XRN1: variants seen among roughly 807,000 people sequenced by gnomAD.
The protein encoded by XRN1 is strand-exchange protein 1 homolog.
Under a neutral mutation model 222.3 loss-of-function variants are expected in XRN1, and 67 were observed. The observed-to-expected ratio is 0.30, with a 90% CI of 0.25 to 0.37. The LOEUF (loss-of-function observed/expected upper bound fraction) is 0.37, where lower values mean the gene tolerates loss of function less well. Among genes scored for constraint, XRN1 ranks in the 10% least tolerant of loss-of-function variants. XRN1 has a pLI of 1.00. For missense variants in XRN1, 1,707 were observed against 2,000.2 expected (o/e 0.85, Z 2.80); for synonymous variants, 643 against 652.4 (o/e 0.99, Z 0.22).
chr3:142,337,391 A>AT (rs1239930933), intron 33 of XRN1, among the ~76,000 whole-genome samples: 23 of 152,164 alleles, frequency 1.5e-4, no homozygotes, highest in African/African-American at 5.6e-4. Flanking sequence ...ACTCCATTAT[A>AT]CTCTAGGAGG....
chr3:142,425,858 G>A (rs2069224963), intron 3 of XRN1, among the ~76,000 whole-genome samples: 1 of 151,600 alleles, frequency 6.6e-6, no homozygotes, highest in Non-Finnish European at 1.5e-5. Flanking sequence ...GATCTCTAAT[G>A]AACCTCAACC....
At chr3:142,337,027 T>C (rs2065869027) in intron 33 of XRN1, among the ~76,000 whole-genome samples, 1 of 152,102 alleles carries the variant, frequency 6.6e-6, no homozygotes, top group African/African-American at 2.4e-5. Flanking sequence ...GAAAATAGCT[T>C]TTTAGAAAAA....
At chr3:142,351,383 G>A (rs2066301016) in intron 32 of XRN1, among the ~76,000 whole-genome samples, 2 of 152,154 alleles carry the variant, frequency 1.3e-5, no homozygotes, top group South Asian at 4.1e-4. Flanking sequence ...TGTATGAAAT[G>A]CTGCTGATGG....
chr3:142,318,119 TAAATA>T (rs902682975), intron 39 of XRN1, among the ~76,000 whole-genome samples: 1 of 152,142 alleles, frequency 6.6e-6, no homozygotes, highest in African/African-American at 2.4e-5. Flanking sequence ...TTTCTAAACT[TAAATA>T]AATTATTGGC....
intron 2 of XRN1, among the ~76,000 whole-genome samples, chr3:142,428,322 G>A (rs1253723088): frequency 1.3e-5 from 2 of 151,170 alleles, no homozygotes; most frequent in African/African-American, 4.9e-5. Flanking sequence ...TTGAACCCAG[G>A]GGGCAGAGGC....
Position 142,439,403 on chromosome 3 carries a change from C to T in XRN1, c.76-6510G>A, listed in dbSNP as rs561930219. Among the ~76,000 whole-genome samples the T allele has an allele frequency of 9.9e-5, 15 of 152,256 alleles. No homozygotes were observed. In the East Asian group the frequency reaches 2.5e-3, roughly 25 times the overall value. ...AGAATCAGAACATGGAGATTGGTGC[C>T]GCAGACATCTGCTAACTTGCGTGCT... On this transcript the variant is annotated intron_variant, in intron 1 of 40. Transcript: ENST00000392981.
intron 22 of XRN1, among the ~76,000 whole-genome samples, chr3:142,380,863 G>A (rs2067280566): frequency 6.6e-6 from 1 of 152,030 alleles, no homozygotes; most frequent in Non-Finnish European, 1.5e-5. Flanking sequence ...GCCCAGGCTG[G>A]TCTCAAACTC....
At chr3:142,440,474 T>A (rs2070151857) in intron 1 of XRN1, among the ~76,000 whole-genome samples, 1 of 151,846 alleles carries the variant, frequency 6.6e-6, no homozygotes, top group Non-Finnish European at 1.5e-5. Context: ...AGAATGCCCA[T>A]CCTGGTCAAG....
At chr3:142,324,856 G>A (rs1351308437) in intron 37 of XRN1, among the ~76,000 whole-genome samples, 4 of 152,090 alleles carry the variant, frequency 2.6e-5, no homozygotes, top group African/African-American at 9.7e-5. Context: ...GTGATGATGA[G>A]CATTTTTTCA....
At chr3:142,371,878 T>C (rs911393229) in intron 25 of XRN1, among the ~76,000 whole-genome samples, 1 of 152,162 alleles carries the variant, frequency 6.6e-6, no homozygotes, top group East Asian at 1.9e-4. Context: ...GCACGGTATC[T>C]GGTGGCATAT....
intron 20 of XRN1, among the ~76,000 whole-genome samples, chr3:142,391,743 A>T (rs1213913135): frequency 7.8e-5 from 6 of 77,356 alleles, no homozygotes; most frequent in South Asian, 5.9e-4. Flanking sequence ...CACTAAAAAA[A>T]AAAAAAATAT....
chr3:142,418,823 G>A lies in XRN1; in HGVS notation c.1232C>T (p.Thr411Ile). 3 of 1,613,838 alleles carry A rather than the reference G, an allele frequency of 1.9e-6. No individual in the cohort carries two copies. Among genetic ancestry groups the A allele is most frequent in the Non-Finnish European group, 2.5e-6 (3 of 1,179,858 alleles). ...ACATACTTCATACTTACCCTTAGAA[G>A]TTATCATTTCGCCTTCATTTTTGTC... ...ALDKNEGEMITSKDNLEDETE... is the reference protein window; with the variant it reads ...ALDKNEGEMIISKDNLEDETE... The change falls in exon 11 of 41, where the codon ACT (threonine) becomes ATT (isoleucine). Residue 411 changes from threonine to isoleucine, a missense_variant. By Grantham distance (89) the Thr-to-Ile change is moderately conservative. This residue lies in a region of XRN1 where 1,234 missense variants were observed against 1,518.2 expected (regional missense o/e 0.81). Transcript: ENST00000392981.
Position 142,420,998 on chromosome 3 carries a change from A to G in XRN1, c.1173+18T>C. On this transcript the variant is annotated intron_variant, in intron 10 of 40. Transcript: ENST00000392981. ...TTTACAGTTAAAACAATGAAAGGAC[A>G]CCTAAAAAAATAGACACCTTTAACT... The G allele has an allele frequency of 6.2e-7, 1 of 1,613,118 alleles. No individual in the cohort carries two copies. The highest frequency in any genetic ancestry group is 8.5e-7 in the Non-Finnish European group (1 of 1,179,562).
chr3:142,430,993 T>A (rs1453299288), intron 2 of XRN1, among the ~76,000 whole-genome samples: 3 of 152,236 alleles, frequency 2.0e-5, no homozygotes, highest in Non-Finnish European at 2.9e-5. Context: ...TGCATTCTGA[T>A]CTCACTTGCC....
intron 19 of XRN1, among the ~76,000 whole-genome samples, chr3:142,399,289 T>A (rs1296648234): frequency 6.7e-6 from 1 of 149,090 alleles, no homozygotes; most frequent in Non-Finnish European, 1.5e-5. Flanking sequence ...TACCTGATGT[T>A]AAGACCATGG....
chr3:142,404,253 A>G (rs1162774555), intron 16 of XRN1, among the ~76,000 whole-genome samples: 1 of 152,176 alleles, frequency 6.6e-6, no homozygotes, highest in Non-Finnish European at 1.5e-5. Flanking sequence ...TTAAGATAAA[A>G]TATGACACAT....
In XRN1 at chr3:142,383,398, C is replaced by T. The variant is rs368411156; in HGVS notation, c.2518G>A (p.Asp840Asn). 1.1e-4 allele frequency: 174 copies of T among 1,613,054 alleles called. No individual in the cohort carries two copies. The highest frequency in any genetic ancestry group is 1.4e-4 in the Non-Finnish European group (164 of 1,179,674). The change falls in exon 22 of 41, where the codon GAC becomes AAC. Residue 840 changes from aspartate to asparagine, a missense_variant. This residue lies in a region of XRN1 where 1,234 missense variants were observed against 1,518.2 expected (regional missense o/e 0.81). Transcript: ENST00000392981. ...GTTTTGATATTGGAGAAACGGGAGTCGAAAGCTCGGATGTCCTACATAAAA... is the reference window on the plus strand; with the variant it reads ...GTTTTGATATTGGAGAAACGGGAGTTGAAAGCTCGGATGTCCTACATAAAA... The part of the protein sequence containing the change: ...QTIVKDIRAF[D>N]SRFSNIKTLD...
intron 36 of XRN1, among the ~76,000 whole-genome samples, chr3:142,331,344 T>C (rs895425035): frequency 4.0e-5 from 6 of 150,220 alleles, no homozygotes; most frequent in African/African-American, 1.5e-4. Flanking sequence ...TGTTATGCTA[T>C]AGGCTTTACA....
At chr3:142,418,177 G>C (rs1577401209) in intron 12 of XRN1, 2 of 230,528 alleles carry the variant, frequency 8.7e-6, no homozygotes, top group Non-Finnish European at 1.7e-5. Flanking sequence ...GATGGTGACT[G>C]TAATGAAGAA....
Sources: allele counts gnomAD v4.1 joint callset (sites outside exome capture counted in the v4.1 genomes callset), GRCh38; gene constraint gnomAD v4.1.1; regional missense constraint gnomAD v4.1.1; transcripts MANE v1.5; gene names NCBI Gene and HGNC (gene_info 2026-07-23, HGNC 2026-07-21).